CELF2: variants seen among roughly 807,000 people sequenced by gnomAD.
The protein encoded by CELF2 is CUGBP Elav-like family member 2.
CELF2 carries 8 observed loss-of-function variants against 62.6 expected under a neutral mutation model. The ratio of observed to expected loss-of-function variants is 0.13; its 90% CI spans 0.07 to 0.23. The LOEUF is 0.23. CELF2 is among the 10% of genes least tolerant of loss of function. CELF2 has a pLI of 1.00. For missense variants in CELF2, 333 were observed against 671.0 expected, an observed-to-expected ratio of 0.50 and a Z score of 5.56; for synonymous variants, 258 against 250.0, an observed-to-expected ratio of 1.03 and a Z score of -0.30.
rs1265467582 is a variant in CELF2, at chr10:11,242,348, C to T, written c.355-6805C>T. Among the ~76,000 whole-genome samples, 2 of 152,132 alleles carry T rather than the reference C, an allele frequency of 1.3e-5. No homozygotes were observed. The highest frequency in any genetic ancestry group is 2.4e-5 in the African/African-American group (1 of 41,418). On this transcript the variant is annotated intron_variant, in intron 3 of 12. Coordinates refer to ENST00000633077, the MANE Select transcript of CELF2 (RefSeq NM_001326342.2). This position sits in a 1 kb window ranked among gnomAD's most constrained non-coding sequence, Gnocchi z 4.8. ...TCCTGTGTGTGAGGAGCCAGCTGTGCCCCCTGCCCGCAGCTGCTTCCTTCC... is the reference window on the plus strand; with the variant it reads ...TCCTGTGTGTGAGGAGCCAGCTGTGTCCCCTGCCCGCAGCTGCTTCCTTCC...
At chr10:10,721,764 G>A in the CELF2 span, among the ~76,000 whole-genome samples, 1 of 152,068 alleles carries the variant, frequency 6.6e-6, no homozygotes, top group Non-Finnish European at 1.5e-5. Flanking sequence ...ACAGCACATT[G>A]GGGGTCTATA....
At chr10:11,080,880 G>C (rs1203380787) in intron 1 of CELF2, among the ~76,000 whole-genome samples, 1 of 152,226 alleles carries the variant, frequency 6.6e-6, no homozygotes, top group African/African-American at 2.4e-5. Flanking sequence ...TTAGAATTAA[G>C]TTGAGCCAGC....
chr10:10,784,722 T>A, the CELF2 span: 1 of 152,182 alleles, frequency 6.6e-6, no homozygotes, highest in African/African-American at 2.4e-5. Context: ...GGAGGTGTGA[T>A]GGGGCAAAAG....
chr10:11,311,594 G>T lies in CELF2; in HGVS notation c.977-2545G>T, dbSNP rs1390464595. On this transcript the variant is annotated intron_variant, in intron 9 of 12. Transcript: ENST00000633077. The surrounding 1 kb of genome is among the most constrained non-coding windows in gnomAD (Gnocchi z 4.7). ...CAGCTAATATGTTTACATATTAAAA[G>T]AATTTGAAAAGCGAAAAAGCCACTG... Among the ~76,000 whole-genome samples, 1 of 151,988 alleles carries T rather than the reference G, an allele frequency of 6.6e-6. No homozygotes were observed. The highest frequency in any genetic ancestry group is 1.5e-5 in the Non-Finnish European group (1 of 67,986).
intron 2 of CELF2, among the ~76,000 whole-genome samples, chr10:11,216,515 C>G (rs1231070170): frequency 6.6e-6 from 1 of 152,180 alleles, no homozygotes; most frequent in Non-Finnish European, 1.5e-5. Context: ...TTGTCCTACC[C>G]TCTTTTCCCA....
rs1357545893 is a variant in CELF2, at chr10:11,011,161, T to C, written c.53+5721T>C. On this transcript the variant is annotated intron_variant, in intron 1 of 12. Transcript: ENST00000416382. The surrounding 1 kb of genome is among the most constrained non-coding windows in gnomAD (Gnocchi z 4.6). ...GATGTTGGAAGGAACAATAGACAAT[T>C]TTAAAGCATTATGAAATTAAAGTAT... 6.6e-6 allele frequency: 1 copy of C among 151,976 alleles called. No homozygotes were observed. The highest frequency in any genetic ancestry group is 1.5e-5 in the Non-Finnish European group (1 of 68,002). 9.4% of individuals were successfully genotyped at this position (151,976 alleles called of 1,614,324 possible). A position where few individuals can be genotyped will look rare whatever the true frequency, so the allele number is the denominator to read the frequency against.
chr10:10,941,494 G>C (rs1030313407), intron 2 of CELF2, among the ~76,000 whole-genome samples: 1 of 152,090 alleles, frequency 6.6e-6, no homozygotes. Context: ...ATTTACCCCA[G>C]GAAAACAAGA....
At chr10:10,552,486 G>A in the CELF2 span, among the ~76,000 whole-genome samples, 2 of 152,178 alleles carry the variant, frequency 1.3e-5, no homozygotes, top group Admixed American at 6.5e-5. Context: ...AGTACCTCCT[G>A]TGGGTGGATC....
At chr10:10,693,889 C>T in the CELF2 span, among the ~76,000 whole-genome samples, 7 of 150,402 alleles carry the variant, frequency 4.7e-5, no homozygotes, top group Non-Finnish European at 1.0e-4. Context: ...GCGTCTATTT[C>T]ATTCTTCTCT....
At chr10:10,684,636 C>T in the CELF2 span, among the ~76,000 whole-genome samples, 1 of 152,092 alleles carries the variant, frequency 6.6e-6, no homozygotes, top group East Asian at 1.9e-4. Context: ...CCCAGCTACT[C>T]AGGAGGCTGA....
At chr10:10,648,874 T>C in the CELF2 span, among the ~76,000 whole-genome samples, 2 of 152,166 alleles carry the variant, frequency 1.3e-5, no homozygotes, top group South Asian at 4.1e-4. Context: ...TTCCATTGGG[T>C]TCAATAAGTG....
At position 10,997,585 on chromosome 10, in the gene CELF2, G is replaced by A. The variant is rs998507091; in HGVS notation, c.89+77586G>A. Among the ~76,000 whole-genome samples, 45 of 152,300 alleles carry A rather than the reference G, an allele frequency of 3.0e-4. No homozygotes were observed. Among genetic ancestry groups the A allele is most frequent in the Middle Eastern group, 3.4e-3 (1 of 294 alleles). Reference sequence around the variant, plus strand: ...CACGTTTGGATCCCAGATAATGGTCGAGTAACGTAGTTTCTCTGACCTGGC... The same window carrying A: ...CACGTTTGGATCCCAGATAATGGTCAAGTAACGTAGTTTCTCTGACCTGGC... On this transcript the variant is annotated intron_variant, in intron 2 of 13. Transcript: ENST00000636488. The surrounding 1 kb of genome is among the most constrained non-coding windows in gnomAD (Gnocchi z 5.3).
At chr10:11,197,432 G>A (rs1433852122) in intron 2 of CELF2, among the ~76,000 whole-genome samples, 1 of 152,182 alleles carries the variant, frequency 6.6e-6, no homozygotes, top group Non-Finnish European at 1.5e-5. Flanking sequence ...AGATACTAGG[G>A]TAGCAAATGG....
chr10:11,319,108 G>GCCGCTCCTCTC lies in CELF2; in HGVS notation c.1097-2076_1097-2066dup, dbSNP rs2095271161. ...TGAGATCCAAGCAGAGCGGCGAGTC[G>GCCGCTCCTCTC]CCGCTCCTCTCCCGCCAGAATTTCC... is the stretch of plus-strand genomic sequence containing the variant. On this transcript the variant is annotated intron_variant, in intron 10 of 12. Coordinates refer to ENST00000633077, the MANE Select transcript of CELF2 (RefSeq NM_001326342.2). This position sits in a 1 kb window ranked among gnomAD's most constrained non-coding sequence, Gnocchi z 4.4. 1 of 469,732 alleles carries GCCGCTCCTCTC rather than the reference G, an allele frequency of 2.1e-6. No homozygotes were observed. The highest frequency in any genetic ancestry group is 4.4e-6 in the Non-Finnish European group (1 of 227,032). The allele number at this position is 469,732 out of a possible 1,614,324, so 29.1% of individuals were successfully genotyped here.
intron 4 of CELF2, among the ~76,000 whole-genome samples, chr10:11,251,690 G>C (rs535611429): frequency 6.6e-6 from 1 of 152,190 alleles, no homozygotes; most frequent in Non-Finnish European, 1.5e-5. Flanking sequence ...TCAGCTGTGA[G>C]AGGGGGCTAC....
At position 11,039,421 on chromosome 10, in the gene CELF2, A is replaced by AT. The variant is rs1420868496; in HGVS notation, c.74+21259dup. 2.0e-5 allele frequency among the ~76,000 whole-genome samples: 3 copies of AT among 152,196 alleles called. No individual in the cohort carries two copies. The highest frequency in any genetic ancestry group is 7.2e-5 in the African/African-American group (3 of 41,446). ...GGACTATTCCTCCAACCTACTTCTT[A>AT]TGCTGGTTGTGTGAATTATACCATT... On this transcript the variant is annotated intron_variant, in intron 1 of 12. Coordinates refer to ENST00000633077, the MANE Select transcript of CELF2 (RefSeq NM_001326342.2). This position sits in a 1 kb window ranked among gnomAD's most constrained non-coding sequence, Gnocchi z 4.1.
chr10:10,688,917 T>A, the CELF2 span, among the ~76,000 whole-genome samples: 7 of 152,024 alleles, frequency 4.6e-5, no homozygotes, highest in South Asian at 1.5e-3. Flanking sequence ...GGCAGGAGAA[T>A]TGCTTGAGCC....
intron 2 of CELF2, among the ~76,000 whole-genome samples, chr10:10,960,828 C>G (rs897628935): frequency 2.0e-5 from 3 of 152,048 alleles, no homozygotes; most frequent in African/African-American, 7.2e-5. Flanking sequence ...CTCCTTTTTT[C>G]TTTTTAACTG....
At chr10:11,199,676 A>G (rs1466927488) in intron 2 of CELF2, among the ~76,000 whole-genome samples, 1 of 152,258 alleles carries the variant, frequency 6.6e-6, no homozygotes, top group East Asian at 1.9e-4. Context: ...GGAAAAAGCC[A>G]TCAATATTTT....
Sources: allele counts gnomAD v4.1 joint callset (sites outside exome capture counted in the v4.1 genomes callset), GRCh38; gene constraint gnomAD v4.1.1; non-coding constraint Gnocchi (gnomAD v3.1); transcripts MANE v1.5; gene names NCBI Gene and HGNC (gene_info 2026-07-23, HGNC 2026-07-21).